GPR135: variants seen among roughly 807,000 people sequenced by gnomAD.
The protein encoded by GPR135 is G protein-coupled receptor 135, also known as G-protein coupled receptor 135.
A neutral mutation model predicts 15.0 loss-of-function variants in GPR135; 17 were observed. The observed-to-expected ratio is 1.13, with a 90% confidence interval of 0.78 to 1.70. The LOEUF is 1.70. GPR135 is among the 40% of genes most tolerant of loss of function. The probability of loss-of-function intolerance (pLI) is 0.00; values close to 1 mark genes in which losing one functional copy is unlikely to be tolerated. For missense variants in GPR135, 776 were observed against 727.0 expected (o/e 1.07, Z -0.78); for synonymous variants, 368 against 349.4 (o/e 1.05, Z -0.59).
chr14:59,455,332 G>A (rs1238133678), intron 6 of GPR135, among the ~76,000 whole-genome samples: 1 of 152,172 alleles, frequency 6.6e-6, no homozygotes, highest in African/African-American at 2.4e-5. Context: ...GTAGAAAACT[G>A]TTGCTTGGTT....
intron 6 of GPR135, chr14:59,455,645 T>C (rs1888626695): frequency 1.3e-5 from 2 of 152,250 alleles, no homozygotes; most frequent in Admixed American, 1.3e-4. Context: ...GCTTCCAAGA[T>C]GGCTCACTCA....
In GPR135 at chr14:59,464,395, TGAAG is replaced by T; in HGVS notation, c.828_831del (p.Phe277AlafsTer37). ...TAGCAGGCCACCACCAGCCCCACGC[TGAAG>T]GCCGCGCCCAGCTGCGCGGGGTCCG... is the stretch of plus-strand genomic sequence containing the variant. On this transcript the variant is annotated frameshift_variant, in exon 1 of 1. Transcript: ENST00000395116. LOFTEE classifies it high-confidence loss of function. 3.7e-6 allele frequency: 6 copies of T among 1,601,698 alleles called. No individual in the cohort carries two copies. The highest frequency in any genetic ancestry group is 5.1e-6 in the Non-Finnish European group (6 of 1,175,138).
At position 59,465,258 on chromosome 14, in the gene GPR135, C is replaced by T; in HGVS notation, c.-32G>A. ...CAGTGGCGGCCGCGGATCTCCTCAT[C>T]CCGCACCGGGGGCGGCGGCCGCTAG... On this transcript the variant is annotated 5_prime_UTR_variant, in exon 1 of 1. Transcript: ENST00000395116. The T allele has an allele frequency of 8.2e-7, 1 of 1,223,648 alleles. No homozygotes were observed. Among genetic ancestry groups the T allele is most frequent in the Non-Finnish European group, 1.0e-6 (1 of 982,696 alleles). The allele number at this position is 1,223,648 out of a possible 1,614,324, so 75.8% of individuals were successfully genotyped here. A position where few individuals can be genotyped will look rare whatever the true frequency, so the allele number is the denominator to read the frequency against.
At chr14:59,457,933 T>C (rs760097984), downstream of GPR135, among the ~76,000 whole-genome samples, 62 of 152,282 alleles carry the variant, frequency 4.1e-4, 1 homozygote, top group East Asian at 1.2e-3. Context: ...ATGCTTTCAA[T>C]AGAGAGAACC....
chr14:59,455,690 A>G (rs1393658663), exon 6 of GPR135: 2 of 146,044 alleles, frequency 1.4e-5, no homozygotes, highest in Non-Finnish European at 3.0e-5. Flanking sequence ...GTACCTCACC[A>G]TGTGGGCTCC....
downstream of GPR135, chr14:59,460,311 C>A (rs1331770459): frequency 6.6e-6 from 1 of 152,186 alleles, no homozygotes; most frequent in African/African-American, 2.4e-5. Flanking sequence ...TGCTCAGAAA[C>A]CCTTATATGC....
Position 59,463,452 on chromosome 14 carries a change from A to G in GPR135, c.*290T>C. On this transcript the variant is annotated 3_prime_UTR_variant, in exon 1 of 1. Coordinates refer to ENST00000395116, the MANE Select transcript of GPR135 (RefSeq NM_022571.6). Reference sequence around the variant, plus strand: ...TTGTTTCACAGTGTGGTCCTATAATATGAGCTTTTCAGTTATAGTGAATGT... The same window carrying G: ...TTGTTTCACAGTGTGGTCCTATAATGTGAGCTTTTCAGTTATAGTGAATGT... 1 of 414,858 alleles carries G rather than the reference A, an allele frequency of 2.4e-6. No homozygotes were observed. Among genetic ancestry groups the G allele is most frequent in the Non-Finnish European group, 4.3e-6 (1 of 232,242 alleles). 25.7% of individuals were successfully genotyped at this position (414,858 alleles called of 1,614,324 possible).
downstream of GPR135, among the ~76,000 whole-genome samples, chr14:59,459,684 T>C (rs879311109): frequency 1.3e-5 from 2 of 152,224 alleles, no homozygotes; most frequent in Non-Finnish European, 2.9e-5. Flanking sequence ...GACTAGAATT[T>C]AGATCAATTG....
chr14:59,464,554 G>C lies in GPR135; in HGVS notation c.673C>G (p.Arg225Gly), dbSNP rs756571759. 4 of 1,563,422 alleles carry C rather than the reference G, an allele frequency of 2.6e-6. No homozygotes were observed. Among genetic ancestry groups the C allele is most frequent in the Admixed American group, 1.9e-5 (1 of 53,912 alleles). Residue 225 changes from arginine to glycine, a missense_variant, in exon 1 of 1, where the codon CGC becomes GGC. Coordinates refer to ENST00000395116, the MANE Select transcript of GPR135 (RefSeq NM_022571.6). The stretch of plus-strand genomic sequence containing the variant: ...GCGCCCGCCAGCAGCTGCAGCGCGC[G>C]GCGGCGGCCGATCTTCTCCCGCGGC... Reference protein sequence around the residue: ...RPPREKIGRRRALQLLAGAWL... With the variant: ...RPPREKIGRRGALQLLAGAWL...
chr14:59,456,978 A>G (rs1268585), downstream of GPR135, among the ~76,000 whole-genome samples: 3,206 of 152,326 alleles, frequency 0.021, 113 homozygotes, highest in African/African-American at 0.073. Flanking sequence ...CAAAAAATTA[A>G]TAAACAGTGG....
intron 6 of GPR135, among the ~76,000 whole-genome samples, chr14:59,453,982 T>A (rs1231049580): frequency 6.6e-6 from 1 of 152,142 alleles, no homozygotes; most frequent in East Asian, 1.9e-4. Flanking sequence ...CAAGAACATT[T>A]CCAAAAGGGA....
At chr14:59,454,868 G>A (rs1253129) in intron 6 of GPR135, among the ~76,000 whole-genome samples, 3,177 of 152,194 alleles carry the variant, frequency 0.021, 110 homozygotes, top group African/African-American at 0.073. Flanking sequence ...TAGGGAGGCC[G>A]AGGCAGGCAG....
At position 59,464,014 on chromosome 14, in the gene GPR135, C is replaced by A. The variant is rs1008525436; in HGVS notation, c.1213G>T (p.Gly405Cys). 1 of 1,613,888 alleles carries A rather than the reference C, an allele frequency of 6.2e-7. No homozygotes were observed. The highest frequency in any genetic ancestry group is 1.3e-5 in the African/African-American group (1 of 74,954). Residue 405 changes from glycine (G) to cysteine (C), a missense_variant, in exon 1 of 1, where the codon GGC becomes TGC. By Grantham distance (159) the Gly-to-Cys change is radical. Coordinates refer to ENST00000395116, the MANE Select transcript of GPR135 (RefSeq NM_022571.6). ...SMLLGRNREE[G>C]YRTRNVDAFL... is the part of the protein sequence containing the mutation. The stretch of plus-strand genomic sequence containing the variant: ...GCGTCCACATTCCTAGTCCGGTAGC[C>A]CTCCTCGCGGTTGCGCCCTAGGAGC...
rs1889097807 is a variant in GPR135 at position 59,465,091 on chromosome 14, T to C, written c.136A>G (p.Thr46Ala). ...TTCCCCAGCGCCGCGGTCGCCACGGTGCTGAAGGAGAGCACGGCCGCCGTG... is the reference window on the plus strand; with the variant it reads ...TTCCCCAGCGCCGCGGTCGCCACGGCGCTGAAGGAGAGCACGGCCGCCGTG... ...AATAAVLSFS[T>A]VATAALGNLS... The change falls in exon 1 of 1, where the codon ACC (threonine) becomes GCC (alanine). Residue 46 changes from threonine to alanine, a missense_variant. Coordinates refer to ENST00000395116, the MANE Select transcript of GPR135 (RefSeq NM_022571.6). 4 of 1,387,242 alleles carry C rather than the reference T, an allele frequency of 2.9e-6. No individual in the cohort carries two copies. The highest frequency in any genetic ancestry group is 2.8e-5 in the Admixed American group (1 of 35,452). The allele number at this position is 1,387,242 out of a possible 1,614,324, so 85.9% of individuals were successfully genotyped here.
In GPR135 at chr14:59,464,639, G is replaced by T; in HGVS notation, c.588C>A (p.Ile196=). 1 of 1,597,508 alleles carries T rather than the reference G, an allele frequency of 6.3e-7. No individual in the cohort carries two copies. The highest frequency in any genetic ancestry group is 1.7e-4 in the Middle Eastern group (1 of 6,008). ...TGAGCGCCACGCTGAGCGTGGACAC[G>T]ATGCCGAAGCACGAGCTGAAGAAGC... The part of the protein sequence containing the change: ...ASRFFSSCFG[I]VSTLSVALIS... Residue 196 remains isoleucine, a synonymous_variant, in exon 1 of 1, where the codon ATC becomes ATA. Transcript: ENST00000395116.
At chr14:59,454,119 G>A (rs887804226) in intron 6 of GPR135, among the ~76,000 whole-genome samples, 1 of 152,168 alleles carries the variant, frequency 6.6e-6, no homozygotes, top group Non-Finnish European at 1.5e-5. Context: ...TGAGTCAGTG[G>A]GCTAGGAAAG....
chr14:59,464,372 G>A lies in GPR135; in HGVS notation c.855C>T (p.Cys285=), dbSNP rs1454764671. The A allele has an allele frequency of 6.2e-7, 1 of 1,606,684 alleles. No individual in the cohort carries two copies. Among genetic ancestry groups the A allele is most frequent in the Non-Finnish European group, 8.5e-7 (1 of 1,177,206 alleles). Reference sequence around the variant, plus strand: ...ACATGAGCAGGAAGGGCAGCAGGTAGCAGGCCACCACCAGCCCCACGCTGA... The same window carrying A: ...ACATGAGCAGGAAGGGCAGCAGGTAACAGGCCACCACCAGCCCCACGCTGA... ...AAFSVGLVVA[C]YLLPFLLMCF... is the part of the protein sequence containing the mutation. The change falls in exon 1 of 1, where the codon TGC becomes TGT. Residue 285 remains cysteine, a synonymous_variant. Transcript: ENST00000395116.
chr14:59,459,658 C>T (rs577552704), downstream of GPR135, among the ~76,000 whole-genome samples: 1 of 152,338 alleles, frequency 6.6e-6, no homozygotes, highest in South Asian at 2.1e-4. Flanking sequence ...TTCTTTCTTA[C>T]ACCACTAAAA....
Position 59,463,587 on chromosome 14 carries a change from T to G in GPR135, c.*155A>C. 1.4e-6 allele frequency: 1 copy of G among 692,622 alleles called. No homozygotes were observed. Among genetic ancestry groups the G allele is most frequent in the South Asian group, 2.2e-5 (1 of 45,498 alleles). 42.9% of individuals were successfully genotyped at this position (692,622 alleles called of 1,614,324 possible). A position where few individuals can be genotyped will look rare whatever the true frequency, so the allele number is the denominator to read the frequency against. The stretch of plus-strand genomic sequence containing the variant: ...TTTTGGCACTTTTGAAGAAGGGACA[T>G]TGTCTTTTATGTTGTTTGGGGAAAG... On this transcript the variant is annotated 3_prime_UTR_variant, in exon 1 of 1. Coordinates refer to ENST00000395116, the MANE Select transcript of GPR135 (RefSeq NM_022571.6).
Sources: gnomAD v4.1 joint callset for allele counts (sites outside exome capture counted in the v4.1 genomes callset) on GRCh38, gnomAD v4.1.1 for gene constraint, MANE v1.5 for transcripts, NCBI Gene and HGNC (gene_info 2026-07-23, HGNC 2026-07-21) for gene names.